The following SYNPO2L variants were observed in gnomAD, a reference collection of about 807,000 sequenced individuals.
SYNPO2L encodes synaptopodin 2-like protein.
A neutral mutation model predicts 47.5 loss-of-function variants in SYNPO2L; 34 were observed. The ratio of observed to expected loss-of-function variants is 0.72; its 90% confidence interval spans 0.54 to 0.95. SYNPO2L has a LOEUF of 0.95. Among genes scored for constraint, SYNPO2L ranks in the 40% least tolerant of loss-of-function variants. The probability of loss-of-function intolerance (pLI) is 0.00; values close to 1 mark genes in which losing one functional copy is unlikely to be tolerated. For synonymous variants in SYNPO2L, 536 were observed against 524.9 expected (o/e 1.02, Z -0.29); for missense variants, 1,246 against 1,282.0 (o/e 0.97, Z 0.43).
In SYNPO2L at chr10:73,646,431, G is replaced by A. The variant is rs1021134644; in HGVS notation, c.*287C>T. 3.1e-5 allele frequency: 35 copies of A among 1,141,646 alleles called. No homozygotes were observed. The African/African-American group carries it at 5.1e-4, about 17-fold the overall frequency. 70.7% of individuals were successfully genotyped at this position (1,141,646 alleles called of 1,614,324 possible). The stretch of plus-strand genomic sequence containing the variant: ...CACAAATGTCAAGGAAGAGAGATCT[G>A]TGGAGGAATATGGGTGGAGAAGCCT... On this transcript the variant is annotated 3_prime_UTR_variant, in exon 4 of 4. Transcript: ENST00000394810.
Position 73,653,276 on chromosome 10 carries a change from G to A in SYNPO2L, c.635C>T (p.Pro212Leu). 1 of 1,550,218 alleles carries A rather than the reference G, an allele frequency of 6.5e-7. No homozygotes were observed. The highest frequency in any genetic ancestry group is 8.7e-7 in the Non-Finnish European group (1 of 1,146,260). The change falls in exon 3 of 4, where the codon CCA becomes CTA. Residue 212 changes from proline to leucine, a missense_variant. Pro to Leu is a moderately conservative substitution (Grantham distance 98). Transcript: ENST00000394810. ...TAACAGCAGAGCCTCAGCTGGGGGT[G>A]GCTGAAGGGCTGCCCCATCCTCCCA... The part of the protein sequence containing the change: ...PSWEDGAALQ[P>L]PPAEALLLPH...
chr10:73,653,025 C>T lies in SYNPO2L; in HGVS notation c.772+114G>A, dbSNP rs2081852959. On this transcript the variant is annotated intron_variant, in intron 3 of 3. Transcript: ENST00000394810. ...CCCTTCTACTCATTACCCCTCCTGT[C>T]CCCAAGACTGTATCCAAGGGTCCCA... 3.1e-6 allele frequency: 4 copies of T among 1,295,184 alleles called. No individual in the cohort carries two copies. The East Asian group carries it at 7.9e-5, about 25-fold the overall frequency. The allele number at this position is 1,295,184 out of a possible 1,614,324, so 80.2% of individuals were successfully genotyped here.
chr10:73,646,343 C>T lies in SYNPO2L; in HGVS notation c.*375G>A. The T allele has an allele frequency of 2.0e-6, 2 of 1,002,802 alleles. No homozygotes were observed. The highest frequency in any genetic ancestry group is 2.4e-6 in the Non-Finnish European group (2 of 842,398). 62.1% of individuals were successfully genotyped at this position (1,002,802 alleles called of 1,614,324 possible). Reference sequence around the variant, plus strand: ...GTGGTGAGCTTCTTGCCTGAAGTCCCAGTGGTCACTTCTGCTCTGTTTACT... The same window carrying T: ...GTGGTGAGCTTCTTGCCTGAAGTCCTAGTGGTCACTTCTGCTCTGTTTACT... On this transcript the variant is annotated 3_prime_UTR_variant, in exon 4 of 4. Transcript: ENST00000394810.
chr10:73,650,118 C>G, intron 3 of SYNPO2L: 1 of 985,442 alleles, frequency 1.0e-6, no homozygotes, highest in Non-Finnish European at 1.2e-6. Context: ...TGCGAGGACC[C>G]CGCCTTGCAC....
chr10:73,650,177 G>C, intron 3 of SYNPO2L: 1 of 985,416 alleles, frequency 1.0e-6, no homozygotes, highest in Non-Finnish European at 1.2e-6. Context: ...AAAAATTATT[G>C]AGATTCCATC....
Position 73,644,890 on chromosome 10 carries a change from G to T in SYNPO2L, c.*1828C>A. On this transcript the variant is annotated 3_prime_UTR_variant, in exon 4 of 4. Transcript: ENST00000394810. ...GAAGATAACAGCAACAGAAGGTATGGGGCATAAATTTATTCTTGTGCACAA... is the reference window on the plus strand; with the variant it reads ...GAAGATAACAGCAACAGAAGGTATGTGGCATAAATTTATTCTTGTGCACAA... The T allele has an allele frequency of 1.6e-6, 1 of 628,884 alleles. No individual in the cohort carries two copies. The highest frequency in any genetic ancestry group is 2.3e-6 in the Non-Finnish European group (1 of 427,320). 39.0% of individuals were successfully genotyped at this position (628,884 alleles called of 1,614,324 possible).
Position 73,653,190 on chromosome 10 carries a change from G to T in SYNPO2L, c.721C>A (p.Pro241Thr). 1 of 1,459,526 alleles carries T rather than the reference G, an allele frequency of 6.9e-7. No homozygotes were observed. Among genetic ancestry groups the T allele is most frequent in the Non-Finnish European group, 9.1e-7 (1 of 1,101,084 alleles). 90.4% of individuals were successfully genotyped at this position (1,459,526 alleles called of 1,614,324 possible). The stretch of plus-strand genomic sequence containing the variant: ...GTGGTAGTAAGATCTTCTGCCACTG[G>T]GTGGGGAACAGGCCCCACCATAGGG... ...LIPMVGPVPH[P>T]VAEDLTTTYT... Residue 241 changes from proline to threonine, a missense_variant, in exon 3 of 4, where the codon CCA becomes ACA. Around this residue, in one of 3 missense-constraint regions of SYNPO2L, gnomAD observed 1,037 missense variants for 1,021.5 expected, o/e 1.02. Coordinates refer to ENST00000394810, the MANE Select transcript of SYNPO2L (RefSeq NM_001114133.3).
chr10:73,647,910 G>C lies in SYNPO2L; in HGVS notation c.1742C>G (p.Ser581Cys). Reference protein sequence around the residue: ...PSAAAMTSTASIFLSAPLRPS... With the variant: ...PSAAAMTSTACIFLSAPLRPS... ...TCGCAAAGGCGCAGATAGGAAGATA[G>C]AAGCGGTGGAGGTCATGGCAGCTGC... The change falls in exon 4 of 4, where the codon TCT (serine) becomes TGT (cysteine). Residue 581 changes from serine to cysteine, a missense_variant. This residue lies in a region of SYNPO2L where 1,037 missense variants were observed against 1,021.5 expected (regional missense o/e 1.02). Coordinates refer to ENST00000394810, the MANE Select transcript of SYNPO2L (RefSeq NM_001114133.3). 1.3e-6 allele frequency: 2 copies of C among 1,529,096 alleles called. No individual in the cohort carries two copies. Among genetic ancestry groups the C allele is most frequent in the Non-Finnish European group, 1.8e-6 (2 of 1,141,682 alleles). 94.7% of individuals were successfully genotyped at this position (1,529,096 alleles called of 1,614,324 possible). A position where few individuals can be genotyped will look rare whatever the true frequency, so the allele number is the denominator to read the frequency against.
intron 3 of SYNPO2L, among the ~76,000 whole-genome samples, chr10:73,651,430 A>G (rs775093338): frequency 6.6e-6 from 1 of 152,146 alleles, no homozygotes; most frequent in Non-Finnish European, 1.5e-5. Context: ...TGAGAGACAC[A>G]AAGTTCTATA....
intron 3 of SYNPO2L, chr10:73,650,690 A>G (rs535592523): frequency 2.0e-6 from 2 of 985,262 alleles, no homozygotes; most frequent in Non-Finnish European, 1.2e-6. Flanking sequence ...CTCTGTTCCC[A>G]TGAGTTTTCT....
Position 73,653,128 on chromosome 10 carries a change from C to A in SYNPO2L, c.772+11G>T. 1 of 1,445,724 alleles carries A rather than the reference C, an allele frequency of 6.9e-7. No homozygotes were observed. Among genetic ancestry groups the A allele is most frequent in the South Asian group, 1.5e-5 (1 of 65,164 alleles). The allele number at this position is 1,445,724 out of a possible 1,614,324, so 89.6% of individuals were successfully genotyped here. Reference sequence around the variant, plus strand: ...GGATCCTGGCTGGGGAAAAGGGGTTCAGGCACTCACTGGCTTGCTTGGCCT... The same window carrying A: ...GGATCCTGGCTGGGGAAAAGGGGTTAAGGCACTCACTGGCTTGCTTGGCCT... On this transcript the variant is annotated intron_variant, in intron 3 of 3. Coordinates refer to ENST00000394810, the MANE Select transcript of SYNPO2L (RefSeq NM_001114133.3).
chr10:73,653,270 G>C lies in SYNPO2L; in HGVS notation c.641C>G (p.Pro214Arg). The C allele has an allele frequency of 2.6e-6, 4 of 1,549,480 alleles. No homozygotes were observed. Among genetic ancestry groups the C allele is most frequent in the Non-Finnish European group, 3.5e-6 (4 of 1,145,832 alleles). Residue 214 changes from proline to arginine, a missense_variant, in exon 3 of 4, where the codon CCA (proline) becomes CGA (arginine). Transcript: ENST00000394810. ...WEDGAALQPP[P>R]AEALLLPHGP... Reference sequence around the variant, plus strand: ...ATGGGGTAACAGCAGAGCCTCAGCTGGGGGTGGCTGAAGGGCTGCCCCATC... The same window carrying C: ...ATGGGGTAACAGCAGAGCCTCAGCTCGGGGTGGCTGAAGGGCTGCCCCATC...
In SYNPO2L at chr10:73,647,559, A is replaced by T. The variant is rs2081776901; in HGVS notation, c.2093T>A (p.Leu698Gln). The change falls in exon 4 of 4, where the codon CTG becomes CAG. Residue 698 changes from leucine to glutamine, a missense_variant. Leu to Gln is a moderately radical substitution (Grantham distance 113). Around this residue, in one of 3 missense-constraint regions of SYNPO2L, gnomAD observed 1,037 missense variants for 1,021.5 expected, o/e 1.02. Transcript: ENST00000394810. ...QPVGARSYKT[L>Q]PHVTPKTPPP... ...GGGGGTCTTAGGTGTCACGTGAGGC[A>T]GGGTCTTGTAACTCCTGGCCCCTAC... 1 of 1,606,804 alleles carries T rather than the reference A, an allele frequency of 6.2e-7. No individual in the cohort carries two copies. Among genetic ancestry groups the T allele is most frequent in the Non-Finnish European group, 8.5e-7 (1 of 1,175,022 alleles).
rs1449244000 is a variant in SYNPO2L, at chr10:73,655,987, C to T, written c.-65G>A. On this transcript the variant is annotated 5_prime_UTR_variant, in exon 1 of 4. Transcript: ENST00000394810. ...TCCCCAGGAGAGAAGTTGAGGTGCT[C>T]GAACCCCGTCTGGGCTTCCTGTCCG... 6 of 1,385,770 alleles carry T rather than the reference C, an allele frequency of 4.3e-6. No homozygotes were observed. The highest frequency in any genetic ancestry group is 5.1e-5 in the East Asian group (2 of 39,284). 85.8% of individuals were successfully genotyped at this position (1,385,770 alleles called of 1,614,324 possible).
chr10:73,654,707 G>T (rs2081865995), intron 1 of SYNPO2L, among the ~76,000 whole-genome samples: 1 of 152,106 alleles, frequency 6.6e-6, no homozygotes, highest in Non-Finnish European at 1.5e-5. Flanking sequence ...GCTGGCCGTG[G>T]TGGTGTGCGC....
Position 73,648,528 on chromosome 10 carries a change from C to G in SYNPO2L, c.1124G>C (p.Gly375Ala). The G allele has an allele frequency of 6.2e-7, 1 of 1,614,126 alleles. No homozygotes were observed. The highest frequency in any genetic ancestry group is 8.5e-7 in the Non-Finnish European group (1 of 1,180,004). ...GACCTCACTCAGCTGCCCTCCCAGC[C>G]CAGAGCCCTGGCCCTCTGATGCTCT... ...GSRASEGQGS[G>A]LGGQLSEVSG... Residue 375 changes from glycine to alanine, a missense_variant, in exon 4 of 4, where the codon GGG becomes GCG. This residue lies in a region of SYNPO2L where 1,037 missense variants were observed against 1,021.5 expected (regional missense o/e 1.02). Coordinates refer to ENST00000394810, the MANE Select transcript of SYNPO2L (RefSeq NM_001114133.3).
rs781274983 is a variant in SYNPO2L at position 73,647,616 on chromosome 10, A to G, written c.2036T>C (p.Leu679Pro). The change falls in exon 4 of 4, where the codon CTC (leucine) becomes CCC (proline). Residue 679 changes from leucine to proline, a missense_variant. Leu to Pro is a moderately conservative substitution (Grantham distance 98). Coordinates refer to ENST00000394810, the MANE Select transcript of SYNPO2L (RefSeq NM_001114133.3). ...CATGAAGTTGCAGGCTTCAGCCCCG[A>G]GGCTCAGAGCATCTTCTTCAGGACC... Reference protein sequence around the residue: ...ESGPEEDALSLGAEACNFMQP... With the variant: ...ESGPEEDALSPGAEACNFMQP... The G allele has an allele frequency of 6.2e-7, 1 of 1,614,102 alleles. No individual in the cohort carries two copies. Among genetic ancestry groups the G allele is most frequent in the East Asian group, 2.2e-5 (1 of 44,860 alleles).
chr10:73,650,713 G>A, intron 3 of SYNPO2L: 2 of 985,338 alleles, frequency 2.0e-6, no homozygotes, highest in Middle Eastern at 5.2e-4. Context: ...AGCTCTTGTG[G>A]TCAGAAACCC....
intron 3 of SYNPO2L, among the ~76,000 whole-genome samples, chr10:73,652,547 A>G (rs1436963721): frequency 1.3e-5 from 2 of 151,562 alleles, no homozygotes; most frequent in Non-Finnish European, 2.9e-5. Flanking sequence ...GCGGGTGCCT[A>G]TAATCCCAGC....
Sources: allele counts gnomAD v4.1 joint callset (sites outside exome capture counted in the v4.1 genomes callset), GRCh38; gene constraint gnomAD v4.1.1; regional missense constraint gnomAD v4.1.1; transcripts MANE v1.5; gene names NCBI Gene and HGNC (gene_info 2026-07-23, HGNC 2026-07-21).